TESK2: variants seen among roughly 807,000 people sequenced by gnomAD.
TESK2 encodes dual specificity testis-specific protein kinase 2.
In TESK2, 39 loss-of-function variants were observed where a neutral mutation model predicts 57.1. The observed-to-expected ratio is 0.68, with a 90% CI of 0.53 to 0.89. TESK2 has a LOEUF of 0.89. Among genes scored for constraint, TESK2 ranks in the 40% least tolerant of loss-of-function variants. The probability of loss-of-function intolerance (pLI) is 0.00; values close to 1 mark genes in which losing one functional copy is unlikely to be tolerated. For missense variants in TESK2, 646 were observed against 732.1 expected (o/e 0.88, Z 1.36); for synonymous variants, 249 against 267.9 (o/e 0.93, Z 0.69).
rs1487528594 is a variant in TESK2, at chr1:45,432,105, C to T, written c.223-10259G>A. Among the ~76,000 whole-genome samples, 10 of 151,936 alleles carry T rather than the reference C, an allele frequency of 6.6e-5. No individual in the cohort carries two copies. In the South Asian group the frequency reaches 1.7e-3, roughly 25 times the overall value. On this transcript the variant is annotated intron_variant, in intron 2 of 10. Transcript: ENST00000372086. ...TACAAAAAATACAAAAAACGTTACCCAGGCATGGTGGTGCATGTCTGTGGT... is the reference window on the plus strand; with the variant it reads ...TACAAAAAATACAAAAAACGTTACCTAGGCATGGTGGTGCATGTCTGTGGT...
intron 2 of TESK2, among the ~76,000 whole-genome samples, chr1:45,445,601 A>G (rs1474109254): frequency 1.4e-5 from 2 of 148,040 alleles, no homozygotes; most frequent in Non-Finnish European, 3.0e-5. Context: ...AGCCTGGGCA[A>G]CATAATGAGA....
Position 45,481,226 on chromosome 1 carries a change from G to A in TESK2, c.-87+9626C>T, listed in dbSNP as rs527289775. ...TAAAAATACAAAAAATTAGCCAGGC[G>A]TGGTAGCAGGCGCCTGTAGTCCCAG... is the stretch of plus-strand genomic sequence containing the variant. On this transcript the variant is annotated intron_variant, in intron 1 of 10. Coordinates refer to ENST00000372086, the MANE Select transcript of TESK2 (RefSeq NM_007170.3). 3.9e-5 allele frequency among the ~76,000 whole-genome samples: 6 copies of A among 152,106 alleles called. No homozygotes were observed. The South Asian group carries it at 6.2e-4, about 16-fold the overall frequency.
chr1:45,389,158 A>G (rs985696953), intron 3 of TESK2, among the ~76,000 whole-genome samples: 1 of 152,198 alleles, frequency 6.6e-6, no homozygotes, highest in African/African-American at 2.4e-5. Context: ...TCATGCATAT[A>G]ATCCCAACAC....
intron 3 of TESK2, among the ~76,000 whole-genome samples, chr1:45,387,249 A>G (rs1013714190): frequency 5.3e-5 from 8 of 152,146 alleles, no homozygotes; most frequent in Non-Finnish European, 1.0e-4. Flanking sequence ...GCCATTACCT[A>G]ACTAAATGCT....
intron 5 of TESK2, among the ~76,000 whole-genome samples, chr1:45,353,392 A>G (rs1291555216): frequency 6.6e-6 from 1 of 152,218 alleles, no homozygotes; most frequent in African/African-American, 2.4e-5. Flanking sequence ...GTGCTCCTTC[A>G]GGAACAGTGC....
At chr1:45,447,910 T>C (rs1468530630) in intron 2 of TESK2, among the ~76,000 whole-genome samples, 1 of 152,086 alleles carries the variant, frequency 6.6e-6, no homozygotes, top group Non-Finnish European at 1.5e-5. Flanking sequence ...TGACTGTATA[T>C]ACAGGATCTA....
At chr1:45,475,863 A>G (rs889481611) in intron 1 of TESK2, among the ~76,000 whole-genome samples, 3 of 152,198 alleles carry the variant, frequency 2.0e-5, no homozygotes, top group Non-Finnish European at 4.4e-5. Context: ...TTCCTGCCCA[A>G]GAATGTCAGA....
intron 1 of TESK2, among the ~76,000 whole-genome samples, chr1:45,478,550 T>C (rs1447323669): frequency 6.6e-6 from 1 of 152,164 alleles, no homozygotes; most frequent in Non-Finnish European, 1.5e-5. Flanking sequence ...ACATTTTCAA[T>C]GTAAAAAACA....
At chr1:45,347,097 TG>T (rs1193432698) in intron 7 of TESK2, 35 bp from the exon 8 acceptor site, 1 of 1,595,702 alleles carries the variant, frequency 6.3e-7, no homozygotes, top group African/African-American at 1.3e-5. Flanking sequence ...TCCCTCTTAA[TG>T]GGTTGAGGGG....
chr1:45,443,534 T>G (rs1221044721), intron 2 of TESK2, among the ~76,000 whole-genome samples: 2 of 126,798 alleles, frequency 1.6e-5, no homozygotes, highest in Non-Finnish European at 3.1e-5. Flanking sequence ...CACGCCACTG[T>G]ACTCCAGCCT....
intron 1 of TESK2, among the ~76,000 whole-genome samples, chr1:45,481,595 A>G (rs1313669227): frequency 6.6e-6 from 1 of 152,160 alleles, no homozygotes; most frequent in African/African-American, 2.4e-5. Flanking sequence ...CCTCTGGAGT[A>G]GCTGAAACTA....
intron 2 of TESK2, among the ~76,000 whole-genome samples, chr1:45,428,882 C>T (rs569676932): frequency 1.1e-4 from 13 of 123,654 alleles, no homozygotes; most frequent in Admixed American, 8.9e-4. Context: ...AGTGCAGTGG[C>T]GTGATCTTGG....
chr1:45,356,002 C>A (rs908487338), intron 4 of TESK2, among the ~76,000 whole-genome samples: 1 of 152,090 alleles, frequency 6.6e-6, no homozygotes, highest in South Asian at 2.1e-4. Flanking sequence ...GCATTTTAAG[C>A]AGGAGAGCCA....
intron 1 of TESK2, among the ~76,000 whole-genome samples, chr1:45,463,587 TTTTTG>T (rs1465762892): frequency 6.6e-6 from 1 of 152,048 alleles, no homozygotes; most frequent in African/African-American, 2.4e-5. Context: ...TGGTTTTTTG[TTTTTG>T]TTTTGTTTTG....
At chr1:45,358,440 T>C (rs1647536584) in intron 4 of TESK2, among the ~76,000 whole-genome samples, 1 of 152,088 alleles carries the variant, frequency 6.6e-6, no homozygotes, top group Non-Finnish European at 1.5e-5. Context: ...ATTGTGCCAC[T>C]AGATTCCAGC....
At chr1:45,399,140 A>ATTTTTTTTT (rs753087306) in intron 3 of TESK2, among the ~76,000 whole-genome samples, 14 of 99,716 alleles carry the variant, frequency 1.4e-4, no homozygotes, top group Admixed American at 2.3e-4. Context: ...AAAAGTTGAA[A>ATTTTTTTTT]TTTTTTTTTT....
intron 3 of TESK2, among the ~76,000 whole-genome samples, chr1:45,418,182 G>A (rs950238283): frequency 5.9e-5 from 9 of 152,068 alleles, no homozygotes; most frequent in Admixed American, 5.9e-4. Context: ...TGTTTGCATT[G>A]CAATTATGTA....
chr1:45,456,873 G>A (rs1422864298), intron 2 of TESK2, among the ~76,000 whole-genome samples: 1 of 152,144 alleles, frequency 6.6e-6, no homozygotes, highest in Non-Finnish European at 1.5e-5. Flanking sequence ...GAATTGGGAA[G>A]CAATTCATTA....
intron 4 of TESK2, among the ~76,000 whole-genome samples, chr1:45,373,250 G>A (rs890958027): frequency 2.0e-5 from 3 of 152,118 alleles, no homozygotes; most frequent in Non-Finnish European, 4.4e-5. Flanking sequence ...AAAAGGTTAT[G>A]GCAAGACATA....
Sources: gnomAD v4.1 joint callset for allele counts (sites outside exome capture counted in the v4.1 genomes callset) on GRCh38, gnomAD v4.1.1 for gene constraint, MANE v1.5 for transcripts, NCBI Gene and HGNC (gene_info 2026-07-23, HGNC 2026-07-21) for gene names.